The following ZC3H12B variants were observed in gnomAD, a reference collection of about 807,000 sequenced individuals.
The protein encoded by ZC3H12B is zinc finger CCCH-type containing 12B, also known as probable ribonuclease ZC3H12B.
ZC3H12B carries 7 observed loss-of-function variants against 43.9 expected under a neutral mutation model. The ratio of observed to expected loss-of-function variants is 0.16; its 90% CI spans 0.09 to 0.30. The LOEUF (loss-of-function observed/expected upper bound fraction) is 0.30. Among genes scored for constraint, ZC3H12B ranks in the 10% least tolerant of loss-of-function variants. ZC3H12B has a pLI of 1.00. For synonymous variants in ZC3H12B, 222 were observed against 241.7 expected (o/e 0.92, Z 0.76); for missense variants, 475 against 670.2 (o/e 0.71, Z 3.22).
chrX:65,401,274 G>A (rs923963692), intron 3 of ZC3H12B, among the ~76,000 whole-genome samples: 6 of 111,456 alleles, frequency 5.4e-5, no homozygotes, highest in African/African-American at 1.6e-4. Flanking sequence ...GCTGGGGGAA[G>A]GTGAGCACAG....
chrX:65,076,550 C>T, the ZC3H12B span, among the ~76,000 whole-genome samples: 1 of 111,355 alleles, frequency 9.0e-6, no homozygotes, highest in Non-Finnish European at 1.9e-5. Flanking sequence ...TGTTATTGTT[C>T]CACAGATCCC....
the ZC3H12B span, among the ~76,000 whole-genome samples, chrX:65,299,828 G>A: frequency 8.9e-6 from 1 of 112,489 alleles, no homozygotes; most frequent in Non-Finnish European, 1.9e-5. Context: ...CTAAAAAACT[G>A]TGAGTGCCCA....
At chrX:65,046,790 G>C in the ZC3H12B span, among the ~76,000 whole-genome samples, 2 of 111,399 alleles carry the variant, frequency 1.8e-5, no homozygotes, top group Non-Finnish European at 3.8e-5. Flanking sequence ...TTGATTTAAA[G>C]TGAGGGATGT....
chrX:65,190,713 T>C, the ZC3H12B span, among the ~76,000 whole-genome samples: 3 of 108,902 alleles, frequency 2.8e-5, no homozygotes, highest in Non-Finnish European at 5.7e-5. Flanking sequence ...GACAATGGGG[T>C]TTTCTAGATA....
intron 3 of ZC3H12B, among the ~76,000 whole-genome samples, chrX:65,464,139 A>G (rs1028449037): frequency 8.9e-6 from 1 of 112,306 alleles, no homozygotes; most frequent in African/African-American, 3.2e-5. Context: ...TTTGCTCCCA[A>G]TGGGAGATGT....
chrX:65,190,685 C>A, the ZC3H12B span, among the ~76,000 whole-genome samples: 1 of 110,143 alleles, frequency 9.1e-6, no homozygotes, highest in African/African-American at 3.3e-5. Context: ...TTATCATCTT[C>A]AGGAGATTTT....
chrX:65,358,464 G>A, the ZC3H12B span, among the ~76,000 whole-genome samples: 1,339 of 111,281 alleles, frequency 0.012, 7 homozygotes, highest in Non-Finnish European at 0.018. Context: ...GCAAAAGAAC[G>A]GAAATCATAA....
At chrX:65,051,682 A>G in the ZC3H12B span, among the ~76,000 whole-genome samples, 1 of 111,737 alleles carries the variant, frequency 8.9e-6, no homozygotes, top group African/African-American at 3.2e-5. Flanking sequence ...CTTTTTTTTC[A>G]GCGAAGAAGT....
the ZC3H12B span, among the ~76,000 whole-genome samples, chrX:65,058,599 A>C: frequency 3.6e-5 from 4 of 111,974 alleles, no homozygotes; most frequent in Admixed American, 3.8e-4. Context: ...ACTGTCTTCC[A>C]AGCTGTCAGA....
chrX:65,472,943 C>CAT (rs1201764272), intron 3 of ZC3H12B, among the ~76,000 whole-genome samples: 1 of 50,076 alleles, frequency 2.0e-5, no homozygotes, highest in East Asian at 5.2e-4. Flanking sequence ...TATGTTTGTA[C>CAT]ATATATATAT....
chrX:65,290,243 C>G, the ZC3H12B span, among the ~76,000 whole-genome samples: 1 of 110,492 alleles, frequency 9.1e-6, no homozygotes, highest in Non-Finnish European at 1.9e-5. Flanking sequence ...CTGAACATCA[C>G]TAATCACCAG....
At chrX:65,256,717 G>A in the ZC3H12B span, among the ~76,000 whole-genome samples, 3 of 111,566 alleles carry the variant, frequency 2.7e-5, no homozygotes, top group Middle Eastern at 4.2e-3. Context: ...ATTGAGACAT[G>A]AAAAACCACA....
chrX:65,180,601 G>A, the ZC3H12B span, among the ~76,000 whole-genome samples: 1 of 111,406 alleles, frequency 9.0e-6, no homozygotes, highest in East Asian at 2.8e-4. Context: ...AAAATCACAA[G>A]CATTTCTATA....
chrX:65,049,871 G>T, the ZC3H12B span, among the ~76,000 whole-genome samples: 3 of 111,219 alleles, frequency 2.7e-5, no homozygotes, highest in East Asian at 5.6e-4. Flanking sequence ...TTTTGTAGAT[G>T]TAAACTTAGG....
chrX:65,506,757 G>A (rs941204617), exon 5 of ZC3H12B: 2 of 110,369 alleles, frequency 1.8e-5, no homozygotes, highest in Admixed American at 9.7e-5. Context: ...GTGTGACCCC[G>A]GAGTGGCATG....
At chrX:65,212,520 T>A in the ZC3H12B span, among the ~76,000 whole-genome samples, 2 of 73,361 alleles carry the variant, frequency 2.7e-5, no homozygotes, top group Non-Finnish European at 4.7e-5. Flanking sequence ...ACAATATTTT[T>A]ATTATATTAC....
the ZC3H12B span, among the ~76,000 whole-genome samples, chrX:65,143,377 A>G: frequency 1.8e-5 from 2 of 110,519 alleles, no homozygotes; most frequent in African/African-American, 3.3e-5. Context: ...TTGCATGCCG[A>G]TATTGTTGAG....
chrX:65,462,486 G>A (rs951112413), intron 3 of ZC3H12B, among the ~76,000 whole-genome samples: 2 of 111,686 alleles, frequency 1.8e-5, no homozygotes, highest in Non-Finnish European at 3.8e-5. Flanking sequence ...GAGGGACAAA[G>A]CAAGACGCCG....
At chrX:65,040,942 G>A in the ZC3H12B span, among the ~76,000 whole-genome samples, 1 of 110,752 alleles carries the variant, frequency 9.0e-6, no homozygotes, top group African/African-American at 3.3e-5. Context: ...GCGCCACCAC[G>A]CCCAGCTCTA....
Sources: allele counts gnomAD v4.1 joint callset (sites outside exome capture counted in the v4.1 genomes callset), GRCh38; gene constraint gnomAD v4.1.1; transcripts MANE v1.5; gene names NCBI Gene and HGNC (gene_info 2026-07-23, HGNC 2026-07-21).